CCNYL1: variants seen among roughly 807,000 people sequenced by gnomAD.
CCNYL1 encodes the protein cyclin Y like 1, also known as cyclin-Y-like protein 1.
Under a neutral mutation model 44.2 loss-of-function variants are expected in CCNYL1, and 16 were observed. That is an observed-to-expected ratio of 0.36 (90% CI 0.25 to 0.55). The LOEUF is 0.55. CCNYL1 is among the 20% of genes least tolerant of loss of function. The pLI is 0.85. For missense variants in CCNYL1, 348 were observed against 451.8 expected (o/e 0.77, Z 2.08); for synonymous variants, 159 against 163.2 (o/e 0.97, Z 0.20).
At chr2:207,729,681 C>T (rs2091710518) in intron 3 of CCNYL1, among the ~76,000 whole-genome samples, 2 of 151,730 alleles carry the variant, frequency 1.3e-5, no homozygotes, top group African/African-American at 2.4e-5. Context: ...CCTTCCTTTC[C>T]CCTTTCCTTT....
intron 3 of CCNYL1, among the ~76,000 whole-genome samples, chr2:207,729,251 C>A (rs2091703590): frequency 1.8e-5 from 1 of 55,410 alleles, no homozygotes; most frequent in Non-Finnish European, 3.1e-5. Flanking sequence ...CTTGTCTCCG[C>A]CCCCCCCCGC....
At chr2:207,745,717 G>A (rs2091849790) in intron 7 of CCNYL1, among the ~76,000 whole-genome samples, 1 of 152,206 alleles carries the variant, frequency 6.6e-6, no homozygotes, top group African/African-American at 2.4e-5. Context: ...GGGAGGCTGA[G>A]GTGGGCAGAT....
chr2:207,725,811 G>A (rs2105823926), intron 2 of CCNYL1, among the ~76,000 whole-genome samples: 1 of 152,276 alleles, frequency 6.6e-6, no homozygotes, highest in East Asian at 1.9e-4. Flanking sequence ...CTGTACTCCT[G>A]TTTATCTTCC....
At chr2:207,715,717 C>G (rs2091589113) in intron 1 of CCNYL1, among the ~76,000 whole-genome samples, 1 of 145,848 alleles carries the variant, frequency 6.9e-6, no homozygotes. Flanking sequence ...GCTCTTGTTG[C>G]TCAGGCTGGA....
Position 207,727,440 on chromosome 2 carries a change from G to A in CCNYL1, c.330+564G>A, listed in dbSNP as rs558967067. Among the ~76,000 whole-genome samples, 10 of 152,172 alleles carry A rather than the reference G, an allele frequency of 6.6e-5. No homozygotes were observed. The East Asian group carries it at 1.2e-3, about 18-fold the overall frequency. On this transcript the variant is annotated intron_variant, in intron 3 of 9. Coordinates refer to ENST00000295414, the MANE Select transcript of CCNYL1 (RefSeq NM_001330218.2). ...TCTTAAATATTTCTGAAATCTGGGC[G>A]TGTCTGCACGTCTCTTCCTAGCCTC...
In CCNYL1 at chr2:207,724,730, G is replaced by A. The variant is rs951547346; in HGVS notation, c.221-70G>A. On this transcript the variant is annotated intron_variant, in intron 1 of 9. Transcript: ENST00000295414. ...ACTGTTAAAAGTGATTAAAATGGAT[G>A]TGTATCTATTTCAGAAATCATCTTT... The A allele has an allele frequency of 3.3e-5, 34 of 1,045,972 alleles. No homozygotes were observed. In the Admixed American group the frequency reaches 5.7e-4, roughly 18 times the overall value. The allele number at this position is 1,045,972 out of a possible 1,614,324, so 64.8% of individuals were successfully genotyped here.
At chr2:207,716,283 G>A (rs2091594503) in intron 1 of CCNYL1, among the ~76,000 whole-genome samples, 1 of 151,252 alleles carries the variant, frequency 6.6e-6, no homozygotes, top group African/African-American at 2.4e-5. Flanking sequence ...ATGTAATGTG[G>A]AAAAACCTCT....
intron 8 of CCNYL1, among the ~76,000 whole-genome samples, chr2:207,749,120 G>A (rs544853352): frequency 1.3e-5 from 2 of 152,310 alleles, no homozygotes; most frequent in East Asian, 1.9e-4. Flanking sequence ...GTAAGCTTCA[G>A]GAGCAGTGGT....
chr2:207,744,801 G>T (rs572579865), intron 7 of CCNYL1, among the ~76,000 whole-genome samples: 1 of 152,312 alleles, frequency 6.6e-6, no homozygotes, highest in South Asian at 2.1e-4. Context: ...AGGCAGAGAA[G>T]AGAGTTAAGA....
At chr2:207,748,677 C>G (rs1323582028) in intron 8 of CCNYL1, among the ~76,000 whole-genome samples, 3 of 152,212 alleles carry the variant, frequency 2.0e-5, no homozygotes, top group Non-Finnish European at 2.9e-5. Flanking sequence ...TTGCCCATTA[C>G]TCCATATGAC....
intron 1 of CCNYL1, among the ~76,000 whole-genome samples, chr2:207,713,387 C>T (rs1017149872): frequency 3.9e-5 from 6 of 152,174 alleles, no homozygotes; most frequent in Admixed American, 3.3e-4. Context: ...TCCTCCCAAT[C>T]CTGCCAATAG....
Position 207,747,030 on chromosome 2 carries a change from A to T in CCNYL1, c.640-17A>T. The stretch of plus-strand genomic sequence containing the variant: ...TTAAACTGAACTAAAATCAAAGACC[A>T]GTGCTCTATTTTACAGGTTTACTTA... On this transcript the variant is annotated splice_polypyrimidine_tract_variant and intron_variant, in intron 7 of 9. Transcript: ENST00000295414. The T allele has an allele frequency of 3.1e-6, 5 of 1,600,126 alleles. No homozygotes were observed. The highest frequency in any genetic ancestry group is 4.3e-6 in the Non-Finnish European group (5 of 1,169,744).
chr2:207,754,381 T>G lies in CCNYL1; in HGVS notation c.*683T>G, dbSNP rs1489614735. 1 of 152,634 alleles carries G rather than the reference T, an allele frequency of 6.6e-6. No individual in the cohort carries two copies. Among genetic ancestry groups the G allele is most frequent in the Non-Finnish European group, 1.5e-5 (1 of 68,042 alleles). 9.5% of individuals were successfully genotyped at this position (152,634 alleles called of 1,614,324 possible). On this transcript the variant is annotated 3_prime_UTR_variant, in exon 10 of 10. Coordinates refer to ENST00000295414, the MANE Select transcript of CCNYL1 (RefSeq NM_001330218.2). ...TTATTGATATCTACTTCTATTGGAG[T>G]CCATGTTGCATTTCTTGTGAACTAT...
intron 5 of CCNYL1, among the ~76,000 whole-genome samples, chr2:207,738,823 G>C (rs1026695263): frequency 6.6e-6 from 1 of 151,882 alleles, no homozygotes; most frequent in Non-Finnish European, 1.5e-5. Context: ...GGGTTCAAGC[G>C]ATTCTCCTGT....
At chr2:207,713,801 A>G (rs1415608919) in intron 1 of CCNYL1, among the ~76,000 whole-genome samples, 1 of 152,246 alleles carries the variant, frequency 6.6e-6, no homozygotes, top group Non-Finnish European at 1.5e-5. Context: ...ATTGTGAAAG[A>G]ATGAACAAAT....
rs111629631 is a variant in CCNYL1, at chr2:207,714,120, A to T, written c.220+2004A>T. On this transcript the variant is annotated intron_variant, in intron 1 of 9. Coordinates refer to ENST00000295414, the MANE Select transcript of CCNYL1 (RefSeq NM_001330218.2). The stretch of plus-strand genomic sequence containing the variant: ...CTATGTAAGACAGCCACTGAGCAGA[A>T]CTAAGGTTCTCAGTTCTCAGACTGA... 9.8e-4 allele frequency among the ~76,000 whole-genome samples: 150 copies of T among 152,320 alleles called. No homozygotes were observed. In the Middle Eastern group the frequency reaches 0.01, roughly 10 times the overall value.
intron 3 of CCNYL1, among the ~76,000 whole-genome samples, chr2:207,728,261 CT>C (rs571559698): frequency 0.14 from 19,362 of 140,824 alleles, 2,130 homozygotes; most frequent in East Asian, 0.36. Flanking sequence ...TGCACCTGGC[CT>C]TTTTTTTTTT....
chr2:207,731,927 G>A (rs532864563), intron 3 of CCNYL1, among the ~76,000 whole-genome samples: 3 of 150,880 alleles, frequency 2.0e-5, no homozygotes, highest in South Asian at 2.1e-4. Context: ...CTCTTGCCTC[G>A]GCCTCCCGAG....
Position 207,751,027 on chromosome 2 carries a change from A to G in CCNYL1, c.877A>G (p.Lys293Glu). ...TAATGTTCCTGCCAGTGTTTATGCC[A>G]AATACTACTTTGACCTTCGCTCCTT... Reference protein sequence around the residue: ...NINVPASVYAKYYFDLRSLAD... With the variant: ...NINVPASVYAEYYFDLRSLAD... Residue 293 changes from lysine to glutamate, a missense_variant, in exon 9 of 10, where the codon AAA becomes GAA. This residue lies in a region of CCNYL1 where 94 missense variants were observed against 102.4 expected (regional missense o/e 0.92). Transcript: ENST00000295414. 6.2e-7 allele frequency: 1 copy of G among 1,614,032 alleles called. No homozygotes were observed. Among genetic ancestry groups the G allele is most frequent in the Non-Finnish European group, 8.5e-7 (1 of 1,179,932 alleles).
Sources: allele counts gnomAD v4.1 joint callset (sites outside exome capture counted in the v4.1 genomes callset), GRCh38; gene constraint gnomAD v4.1.1; regional missense constraint gnomAD v4.1.1; transcripts MANE v1.5; gene names NCBI Gene and HGNC (gene_info 2026-07-23, HGNC 2026-07-21).